Variants in UBOX5 observed in about 807,000 individuals in gnomAD.
UBOX5 encodes the protein U-box domain containing 5, also known as RING finger protein 37.
A neutral mutation model predicts 39.0 loss-of-function variants in UBOX5; 28 were observed. The ratio of observed to expected loss-of-function variants is 0.72; its 90% CI spans 0.53 to 0.98. The LOEUF is 0.98. UBOX5 is among the 50% of genes least tolerant of loss of function. The pLI is 0.00. For missense variants in UBOX5, 585 were observed against 674.4 expected, an observed-to-expected ratio of 0.87 and a Z score of 1.47; for synonymous variants, 283 against 275.5, an observed-to-expected ratio of 1.03 and a Z score of -0.27.
intron 1 of UBOX5, among the ~76,000 whole-genome samples, chr20:3,128,836 C>A (rs757591990): frequency 1.4e-4 from 22 of 152,118 alleles, no homozygotes; most frequent in Non-Finnish European, 3.1e-4. Context: ...GTACTCCAGC[C>A]TGAGTGACAG....
intron 1 of UBOX5, chr20:3,152,036 C>T (rs1186703441): frequency 3.0e-5 from 4 of 133,682 alleles, no homozygotes; most frequent in Non-Finnish European, 6.2e-5. Flanking sequence ...ACCCAGGAGG[C>T]GGAGGTTGCA....
At chr20:3,115,205 G>C (rs1217215369) in intron 4 of UBOX5, 100 bp downstream of exon 4, 2 of 1,420,662 alleles carry the variant, frequency 1.4e-6, no homozygotes, top group African/African-American at 1.4e-5. Context: ...AGGCTGGCCA[G>C]GCAGGTCCAC....
At chr20:3,150,018 C>CAA (rs1358453716) in intron 1 of UBOX5, among the ~76,000 whole-genome samples, 57 of 110,566 alleles carry the variant, frequency 5.2e-4, no homozygotes, top group African/African-American at 1.4e-3. Context: ...GACTCCATCT[C>CAA]AAAAAAAAAA....
At chr20:3,126,274 C>CAAGATGTGG (rs1437086723) in intron 1 of UBOX5, among the ~76,000 whole-genome samples, 6 of 152,012 alleles carry the variant, frequency 3.9e-5, no homozygotes, top group African/African-American at 1.4e-4. Flanking sequence ...AAGGGCGGTG[C>CAAGATGTGG]AAGATGTGCT....
rs143798022 is a variant in UBOX5, at chr20:3,121,036, G to T, written c.1255+348C>A. Among the ~76,000 whole-genome samples, 258 of 152,278 alleles carry T rather than the reference G, an allele frequency of 1.7e-3. 1 individual carries two copies. Among genetic ancestry groups the T allele is most frequent in the African/African-American group, 5.9e-3 (247 of 41,552 alleles). ...TTTCCTCCCAGCAGCTCTGACCAGA[G>T]GCTTCAAGCCCAGGAAAAAGTGTTG... On this transcript the variant is annotated intron_variant, in intron 3 of 4. Transcript: ENST00000217173.
chr20:3,123,008 G>A (rs2066350474), intron 2 of UBOX5, among the ~76,000 whole-genome samples: 1 of 152,168 alleles, frequency 6.6e-6, no homozygotes, highest in East Asian at 1.9e-4. Flanking sequence ...GAGAAGTGCA[G>A]GGGAGAGAAA....
chr20:3,148,196 C>T (rs1170664207), intron 1 of UBOX5: 4 of 1,613,918 alleles, frequency 2.5e-6, no homozygotes, highest in Non-Finnish European at 3.4e-6. Context: ...GGATACCTGA[C>T]GATTTTCACC....
intron 1 of UBOX5, among the ~76,000 whole-genome samples, 161 bp downstream of exon 1, chr20:3,159,605 C>T (rs989771267): frequency 7.2e-5 from 11 of 152,288 alleles, no homozygotes; most frequent in African/African-American, 2.7e-4. Flanking sequence ...ACAGCCAGGC[C>T]TGCGAGAGGC....
intron 1 of UBOX5, among the ~76,000 whole-genome samples, chr20:3,144,470 T>C (rs888608767): frequency 1.3e-5 from 2 of 152,088 alleles, no homozygotes; most frequent in African/African-American, 4.8e-5. Context: ...TCATGCTACA[T>C]ATAAAAATTA....
chr20:3,148,040 G>T (rs1260099717), intron 1 of UBOX5: 1 of 1,614,148 alleles, frequency 6.2e-7, no homozygotes, highest in Non-Finnish European at 8.5e-7. Flanking sequence ...GTTAGCACAA[G>T]CCAAGTCTCC....
At chr20:3,127,258 G>C (rs552861107) in intron 1 of UBOX5, among the ~76,000 whole-genome samples, 2 of 151,958 alleles carry the variant, frequency 1.3e-5, no homozygotes, top group Non-Finnish European at 2.9e-5. Flanking sequence ...TTGTTAGCCC[G>C]ACAGGGATAG....
chr20:3,157,978 C>T (rs917565536), intron 1 of UBOX5, among the ~76,000 whole-genome samples: 1 of 152,024 alleles, frequency 6.6e-6, no homozygotes, highest in Admixed American at 6.6e-5. Context: ...TCACTGCATC[C>T]TCGACCACTG....
At chr20:3,128,830 T>C (rs1345927129) in intron 1 of UBOX5, among the ~76,000 whole-genome samples, 1 of 152,156 alleles carries the variant, frequency 6.6e-6, no homozygotes, top group Non-Finnish European at 1.5e-5. Context: ...GCTATTGTAC[T>C]CCAGCCTGAG....
At chr20:3,112,786 G>A (rs563990510) in intron 4 of UBOX5, among the ~76,000 whole-genome samples, 12 of 152,104 alleles carry the variant, frequency 7.9e-5, no homozygotes, top group African/African-American at 2.4e-4. Flanking sequence ...CCAACATAGC[G>A]AAACCCCGTT....
chr20:3,141,124 G>A (rs990852822), intron 1 of UBOX5, among the ~76,000 whole-genome samples: 4 of 151,514 alleles, frequency 2.6e-5, no homozygotes, highest in African/African-American at 9.7e-5. Flanking sequence ...TCAACATGTT[G>A]GACAGGCTAG....
In UBOX5 at chr20:3,131,065, A is replaced by T. The variant is rs545255517; in HGVS notation, c.-41-7659T>A. 3.9e-5 allele frequency among the ~76,000 whole-genome samples: 6 copies of T among 152,154 alleles called. No homozygotes were observed. The East Asian group carries it at 1.2e-3, about 29-fold the overall frequency. On this transcript the variant is annotated intron_variant, in intron 1 of 4. Transcript: ENST00000217173. Reference sequence around the variant, plus strand: ...GGCAATATGGTGAAACCCTATCTCTATGAAAATACAAAAATTATCCAGGCA... The same window carrying T: ...GGCAATATGGTGAAACCCTATCTCTTTGAAAATACAAAAATTATCCAGGCA...
chr20:3,133,254 C>A (rs552971413), intron 1 of UBOX5, among the ~76,000 whole-genome samples: 4 of 152,276 alleles, frequency 2.6e-5, no homozygotes, highest in South Asian at 4.1e-4. Flanking sequence ...AGGTCAGATG[C>A]CTTCTGCCTT....
intron 1 of UBOX5, chr20:3,147,602 A>G: frequency 6.2e-7 from 1 of 1,614,172 alleles, no homozygotes; most frequent in East Asian, 2.2e-5. Context: ...AGCGAAATCA[A>G]TTAACTCTAC....
At chr20:3,129,908 G>A (rs1364214679) in intron 1 of UBOX5, among the ~76,000 whole-genome samples, 1 of 152,134 alleles carries the variant, frequency 6.6e-6, no homozygotes, top group Non-Finnish European at 1.5e-5. Context: ...AATATGTAAG[G>A]TAGCTTAAAA....
Sources: gnomAD v4.1 joint callset for allele counts (sites outside exome capture counted in the v4.1 genomes callset) on GRCh38, gnomAD v4.1.1 for gene constraint, MANE v1.5 for transcripts, NCBI Gene and HGNC (gene_info 2026-07-23, HGNC 2026-07-21) for gene names.